Variants in CSMD1 observed in about 807,000 individuals in gnomAD.
The protein encoded by CSMD1 is CUB and Sushi multiple domains 1.
In CSMD1, 213 loss-of-function variants were observed where a neutral mutation model predicts 417.5. The observed-to-expected ratio is 0.51, with a 90% CI of 0.46 to 0.57. The LOEUF (loss-of-function observed/expected upper bound fraction) is 0.57. CSMD1 is among the 20% of genes least tolerant of loss of function. CSMD1 has a pLI of 0.00. For missense variants in CSMD1, 6,923 were observed against 4,529.7 expected (o/e 1.53, Z -15.17); for synonymous variants, 2,862 against 1,736.8 (o/e 1.65, Z -16.11).
At chr8:3,613,716 C>G (rs1802001572) in intron 8 of CSMD1, among the ~76,000 whole-genome samples, 1 of 109,098 alleles carries the variant, frequency 9.2e-6, no homozygotes, top group African/African-American at 3.7e-5. Context: ...CACACACACA[C>G]ACACACACAC....
chr8:4,457,690 A>T (rs1799571457), intron 2 of CSMD1, among the ~76,000 whole-genome samples: 2 of 152,174 alleles, frequency 1.3e-5, no homozygotes. Flanking sequence ...CTAGAGGTTC[A>T]CATGGGAGAG....
At chr8:3,337,043 G>A (rs750021097) in intron 23 of CSMD1, among the ~76,000 whole-genome samples, 1 of 152,078 alleles carries the variant, frequency 6.6e-6, no homozygotes, top group Non-Finnish European at 1.5e-5. Context: ...TTCTGGGGAG[G>A]CTGGAGCTGG....
At chr8:4,125,421 C>T (rs1043119393) in intron 3 of CSMD1, among the ~76,000 whole-genome samples, 4 of 152,196 alleles carry the variant, frequency 2.6e-5, no homozygotes, top group African/African-American at 7.2e-5. Context: ...AACCAATGCA[C>T]ATCTTTCATC....
chr8:4,421,774 A>G (rs1380010010), intron 2 of CSMD1, among the ~76,000 whole-genome samples: 4 of 151,994 alleles, frequency 2.6e-5, no homozygotes, highest in Non-Finnish European at 5.9e-5. Context: ...AAGAACTATA[A>G]AAGAAAAAAA....
At chr8:3,693,995 G>T (rs1325333758) in intron 7 of CSMD1, among the ~76,000 whole-genome samples, 2 of 151,218 alleles carry the variant, frequency 1.3e-5, no homozygotes, top group African/African-American at 4.9e-5. Context: ...GTTAGTGTGT[G>T]TGTGTTGTGT....
intron 5 of CSMD1, among the ~76,000 whole-genome samples, chr8:3,954,013 G>T (rs1176807112): frequency 6.6e-6 from 1 of 152,146 alleles, no homozygotes; most frequent in African/African-American, 2.4e-5. Context: ...AGGTCTCAGC[G>T]CCACCTGCTC....
At chr8:3,421,573 T>C (rs1030732673) in intron 12 of CSMD1, among the ~76,000 whole-genome samples, 1 of 152,196 alleles carries the variant, frequency 6.6e-6, no homozygotes, top group African/African-American at 2.4e-5. Context: ...TTTAGCCTGT[T>C]TGATTATGTG....
chr8:3,778,289 A>G (rs1439754076), intron 5 of CSMD1, among the ~76,000 whole-genome samples: 2 of 152,178 alleles, frequency 1.3e-5, no homozygotes, highest in East Asian at 3.9e-4. Context: ...GTAGTTTACC[A>G]TTTAAAAGGG....
Position 4,826,659 on chromosome 8 carries a change from T to A in CSMD1, c.85+167673A>T, listed in dbSNP as rs372034997. Among the ~76,000 whole-genome samples, 16 of 152,090 alleles carry A rather than the reference T, an allele frequency of 1.1e-4. No homozygotes were observed. The East Asian group carries it at 1.7e-3, about 17-fold the overall frequency. On this transcript the variant is annotated intron_variant, in intron 1 of 69. Transcript: ENST00000635120. ...TGCAGGCACTTGCACCTCACTCTCATGTGTAGCTTTCCTTCCCACTCATTC... is the reference window on the plus strand; with the variant it reads ...TGCAGGCACTTGCACCTCACTCTCAAGTGTAGCTTTCCTTCCCACTCATTC...
At chr8:4,305,287 C>T (rs1028661255) in intron 3 of CSMD1, among the ~76,000 whole-genome samples, 1 of 152,170 alleles carries the variant, frequency 6.6e-6, no homozygotes, top group Non-Finnish European at 1.5e-5. Flanking sequence ...TGAGCTGCAT[C>T]AGCCTCCCGC....
intron 10 of CSMD1, among the ~76,000 whole-genome samples, chr8:3,510,485 C>T (rs1797018878): frequency 1.3e-5 from 2 of 151,858 alleles, no homozygotes; most frequent in Admixed American, 1.3e-4. Flanking sequence ...CTTACAGGGT[C>T]TCTGAAAATG....
At chr8:4,926,866 G>C (rs1041014750) in intron 1 of CSMD1, among the ~76,000 whole-genome samples, 5 of 152,072 alleles carry the variant, frequency 3.3e-5, no homozygotes, top group African/African-American at 1.2e-4. Context: ...TGAACTTTAA[G>C]CTCTTTCCAG....
chr8:4,159,034 G>C (rs1796996303), intron 3 of CSMD1, among the ~76,000 whole-genome samples: 1 of 152,082 alleles, frequency 6.6e-6, no homozygotes, highest in African/African-American at 2.4e-5. Flanking sequence ...TCCTGCCTCA[G>C]CCTCCATAGT....
At chr8:4,174,149 G>C (rs1013481482) in intron 3 of CSMD1, among the ~76,000 whole-genome samples, 5 of 152,114 alleles carry the variant, frequency 3.3e-5, no homozygotes, top group African/African-American at 4.8e-5. Flanking sequence ...CCCACCAAAG[G>C]CTCGTGGCTG....
At chr8:3,176,670 G>T (rs1444599400) in intron 37 of CSMD1, among the ~76,000 whole-genome samples, 2 of 152,118 alleles carry the variant, frequency 1.3e-5, no homozygotes, top group Non-Finnish European at 2.9e-5. Flanking sequence ...CTTTAACAAC[G>T]TAAAAATACT....
intron 3 of CSMD1, among the ~76,000 whole-genome samples, chr8:4,191,839 A>C (rs1799051469): frequency 6.6e-6 from 1 of 152,096 alleles, no homozygotes; most frequent in South Asian, 2.1e-4. Context: ...ATGAGTCAGC[A>C]AAATCAACAG....
At chr8:4,776,101 G>A (rs1051958776) in intron 1 of CSMD1, among the ~76,000 whole-genome samples, 1 of 152,086 alleles carries the variant, frequency 6.6e-6, no homozygotes, top group Non-Finnish European at 1.5e-5. Context: ...AGCAGGCACC[G>A]GCCCAGATTG....
At chr8:3,456,744 C>T (rs1174500111) in intron 12 of CSMD1, among the ~76,000 whole-genome samples, 1 of 152,084 alleles carries the variant, frequency 6.6e-6, no homozygotes, top group Admixed American at 6.6e-5. Context: ...TTCTCTCTTT[C>T]AGAAGTGGGA....
intron 2 of CSMD1, among the ~76,000 whole-genome samples, chr8:4,484,180 G>T (rs1177587612): frequency 6.7e-6 from 1 of 149,306 alleles, no homozygotes; most frequent in East Asian, 2.0e-4. Flanking sequence ...GGAGTGATTG[G>T]ACTGCAGCTT....
Sources: gnomAD v4.1 joint callset for allele counts (sites outside exome capture counted in the v4.1 genomes callset) on GRCh38, gnomAD v4.1.1 for gene constraint, MANE v1.5 for transcripts, NCBI Gene and HGNC (gene_info 2026-07-23, HGNC 2026-07-21) for gene names.